LRRC69: variants seen among roughly 807,000 people sequenced by gnomAD.
The protein encoded by LRRC69 is leucine-rich repeat-containing protein 69.
A neutral mutation model predicts 37.8 loss-of-function variants in LRRC69; 42 were observed. That is an observed-to-expected ratio of 1.11 (90% CI 0.87 to 1.44). The LOEUF (loss-of-function observed/expected upper bound fraction) is 1.44, where lower values mean the gene tolerates loss of function less well. Among genes scored for constraint, LRRC69 ranks in the 40% most tolerant of loss-of-function variants. The pLI, the probability that LRRC69 is intolerant of heterozygous loss-of-function variation, is 0.00. For missense variants in LRRC69, 357 were observed against 401.9 expected (o/e 0.89, Z 0.96); for synonymous variants, 141 against 143.1 (o/e 0.99, Z 0.11).
intron 3 of LRRC69, among the ~76,000 whole-genome samples, chr8:91,129,739 C>A (rs1256037857): frequency 6.6e-5 from 10 of 152,028 alleles, no homozygotes; most frequent in South Asian, 4.1e-4. Context: ...CAATTTCCTT[C>A]TTTTCAGCAT....
chr8:91,201,208 G>A (rs74615571), intron 7 of LRRC69, among the ~76,000 whole-genome samples: 4,583 of 152,196 alleles, frequency 0.03, 191 homozygotes, highest in East Asian at 0.21. Context: ...CACTAAATAC[G>A]CATGAATGTG....
At chr8:91,134,708 C>G (rs1044507430) in intron 4 of LRRC69, among the ~76,000 whole-genome samples, 1 of 151,938 alleles carries the variant, frequency 6.6e-6, no homozygotes, top group African/African-American at 2.4e-5. Context: ...TAGTTCTATC[C>G]CAAACAACTG....
intron 1 of LRRC69, among the ~76,000 whole-genome samples, chr8:91,120,059 T>C (rs1358698047): frequency 6.6e-6 from 1 of 152,026 alleles, no homozygotes; most frequent in Non-Finnish European, 1.5e-5. Context: ...AGCTTCTTCT[T>C]CATTTTCTAG....
chr8:91,129,906 G>A (rs538912672), intron 3 of LRRC69, among the ~76,000 whole-genome samples: 8 of 151,918 alleles, frequency 5.3e-5, no homozygotes, highest in East Asian at 3.9e-4. Context: ...TTCAAAAGTC[G>A]TTACTGTCCT....
At position 91,133,100 on chromosome 8, in the gene LRRC69, T is replaced by G; in HGVS notation, c.384-10T>G. ...TTCATTCATATACTTTGGTGTTTTT[T>G]TTTTTTTAGATTAAAAAGTCTTACT... On this transcript the variant is annotated splice_polypyrimidine_tract_variant and intron_variant, in intron 3 of 7. Transcript: ENST00000448384. The G allele has an allele frequency of 7.0e-7, 1 of 1,438,130 alleles. No individual in the cohort carries two copies. The highest frequency in any genetic ancestry group is 1.3e-5 in the South Asian group (1 of 75,262). 89.1% of individuals were successfully genotyped at this position (1,438,130 alleles called of 1,614,324 possible). A position where few individuals can be genotyped will look rare whatever the true frequency, so the allele number is the denominator to read the frequency against.
chr8:91,175,063 G>T (rs145594971), intron 5 of LRRC69, among the ~76,000 whole-genome samples: 17 of 152,274 alleles, frequency 1.1e-4, no homozygotes, highest in African/African-American at 4.1e-4. Flanking sequence ...TCTGCCAAAG[G>T]TAGAGCAGGA....
chr8:91,166,831 C>T (rs977261615), intron 5 of LRRC69, among the ~76,000 whole-genome samples: 10 of 151,804 alleles, frequency 6.6e-5, no homozygotes, highest in African/African-American at 2.2e-4. Context: ...AAGATTTATG[C>T]CTCCACAGAG....
intron 7 of LRRC69, chr8:91,206,752 T>C: frequency 7.8e-7 from 1 of 1,289,734 alleles, no homozygotes; most frequent in South Asian, 1.2e-5. Context: ...AGTGTGCATC[T>C]GGTGCTCTGC....
At chr8:91,151,330 C>T (rs1563605795) in intron 5 of LRRC69, among the ~76,000 whole-genome samples, 1 of 151,154 alleles carries the variant, frequency 6.6e-6, no homozygotes. Context: ...TTTCTGCCTT[C>T]GTTTCATTAT....
intron 7 of LRRC69, among the ~76,000 whole-genome samples, chr8:91,201,033 G>A (rs1435584301): frequency 6.6e-6 from 1 of 152,126 alleles, no homozygotes; most frequent in Non-Finnish European, 1.5e-5. Flanking sequence ...TTTCATGAAA[G>A]TTGAAAGTTT....
At chr8:91,162,027 G>C (rs10112281) in intron 5 of LRRC69, among the ~76,000 whole-genome samples, 4,820 of 151,400 alleles carry the variant, frequency 0.032, 244 homozygotes, top group African/African-American at 0.11. Flanking sequence ...GGTGACTCAG[G>C]AGCACATTGT....
intron 1 of LRRC69, among the ~76,000 whole-genome samples, chr8:91,122,563 T>G (rs1813644852): frequency 6.6e-6 from 1 of 152,066 alleles, no homozygotes; most frequent in Non-Finnish European, 1.5e-5. Flanking sequence ...CTTGTATCTT[T>G]CCCAGGGGTC....
chr8:91,131,110 T>C (rs1025227793), intron 3 of LRRC69, among the ~76,000 whole-genome samples: 7 of 152,062 alleles, frequency 4.6e-5, no homozygotes, highest in African/African-American at 1.7e-4. Context: ...TTGATTATCT[T>C]GATTGCTGTA....
At chr8:91,160,175 T>C (rs1309109386) in intron 5 of LRRC69, among the ~76,000 whole-genome samples, 2 of 151,188 alleles carry the variant, frequency 1.3e-5, no homozygotes, top group Non-Finnish European at 3.0e-5. Flanking sequence ...TTTTTCTTGA[T>C]GAATTATTTA....
At chr8:91,176,134 A>ATATATATATATTTTTTTTTTTTTT in intron 5 of LRRC69, among the ~76,000 whole-genome samples, 1 of 75,710 alleles carries the variant, frequency 1.3e-5, no homozygotes, top group African/African-American at 6.1e-5. Flanking sequence ...ATATATATAT[A>ATATATATATATTTTTTTTTTTTTT]TTTTTTTTTT....
chr8:91,103,703 G>A (rs972993718), intron 1 of LRRC69, among the ~76,000 whole-genome samples: 9 of 151,988 alleles, frequency 5.9e-5, no homozygotes, highest in Admixed American at 5.2e-4. Flanking sequence ...AAGAAATTGA[G>A]TTTGTAATCT....
chr8:91,140,443 A>G (rs1286799737), intron 5 of LRRC69, among the ~76,000 whole-genome samples: 1 of 151,968 alleles, frequency 6.6e-6, no homozygotes, highest in African/African-American at 2.4e-5. Context: ...AAGTATAGAA[A>G]GAGTAAAATG....
chr8:91,127,951 C>T (rs1291960236), intron 3 of LRRC69, among the ~76,000 whole-genome samples: 1 of 151,976 alleles, frequency 6.6e-6, no homozygotes, highest in East Asian at 1.9e-4. Context: ...ATTATTTTTT[C>T]CAAATATATT....
intron 5 of LRRC69, chr8:91,157,492 C>T: frequency 7.0e-6 from 11 of 1,580,712 alleles, no homozygotes; most frequent in Non-Finnish European, 9.5e-6. Context: ...AAATTGGAGA[C>T]AGAAAGATGT....
Sources: gnomAD v4.1 joint callset for allele counts (sites outside exome capture counted in the v4.1 genomes callset) on GRCh38, gnomAD v4.1.1 for gene constraint, MANE v1.5 for transcripts, NCBI Gene and HGNC (gene_info 2026-07-23, HGNC 2026-07-21) for gene names.